FRMD4B: variants seen among roughly 807,000 people sequenced by gnomAD.
FRMD4B encodes the protein FERM domain containing 4B, also known as FERM domain-containing protein 4B.
FRMD4B carries 74 observed loss-of-function variants against 141.5 expected under a neutral mutation model. The observed-to-expected ratio is 0.52, with a 90% CI of 0.43 to 0.63. The LOEUF is 0.63. FRMD4B is among the 30% of genes least tolerant of loss of function. The probability of loss-of-function intolerance (pLI) is 0.00; values close to 1 mark genes in which losing one functional copy is unlikely to be tolerated. For synonymous variants in FRMD4B, 506 were observed against 467.9 expected, an observed-to-expected ratio of 1.08 and a Z score of -1.05; for missense variants, 1,366 against 1,253.4, an observed-to-expected ratio of 1.09 and a Z score of -1.36.
intron 7 of FRMD4B, among the ~76,000 whole-genome samples, chr3:69,247,858 T>C (rs1335806494): frequency 1.3e-5 from 2 of 152,164 alleles, no homozygotes; most frequent in Non-Finnish European, 2.9e-5. Flanking sequence ...ACCGTGTTAG[T>C]CAAGATGGTC....
chr3:69,499,862 G>C (rs950012968), intron 1 of FRMD4B, among the ~76,000 whole-genome samples: 2 of 152,212 alleles, frequency 1.3e-5, no homozygotes, highest in Non-Finnish European at 2.9e-5. Context: ...AAGACAGAGA[G>C]TCTAACAATA....
At chr3:69,279,239 T>C (rs2093632538) in intron 5 of FRMD4B, among the ~76,000 whole-genome samples, 1 of 152,168 alleles carries the variant, frequency 6.6e-6, no homozygotes, top group Non-Finnish European at 1.5e-5. Flanking sequence ...GATGTTTTAA[T>C]TGAATGAATG....
intron 4 of FRMD4B, among the ~76,000 whole-genome samples, chr3:69,297,968 C>T (rs1462900027): frequency 6.6e-6 from 1 of 152,206 alleles, no homozygotes; most frequent in Non-Finnish European, 1.5e-5. Flanking sequence ...GGGAACACTA[C>T]ATGCCTTTGC....
At chr3:69,379,009 G>A (rs1704045841) in intron 1 of FRMD4B, among the ~76,000 whole-genome samples, 1 of 152,054 alleles carries the variant, frequency 6.6e-6, no homozygotes, top group African/African-American at 2.4e-5. Context: ...AAAAGGCAAA[G>A]CCCTTTCATA....
intron 2 of FRMD4B, among the ~76,000 whole-genome samples, chr3:69,425,225 C>A (rs1234269689): frequency 6.6e-6 from 1 of 152,196 alleles, no homozygotes; most frequent in Non-Finnish European, 1.5e-5. Context: ...TTCATTTCAA[C>A]ACTGCATTGG....
chr3:69,482,994 T>C (rs1706155643), intron 1 of FRMD4B, among the ~76,000 whole-genome samples: 1 of 152,238 alleles, frequency 6.6e-6, no homozygotes, highest in South Asian at 2.1e-4. Flanking sequence ...ATTGGTGTGT[T>C]TCATTGCATT....
intron 7 of FRMD4B, among the ~76,000 whole-genome samples, chr3:69,226,949 G>C (rs1559734025): frequency 6.6e-6 from 1 of 152,094 alleles, no homozygotes; most frequent in Non-Finnish European, 1.5e-5. Context: ...ACGACACTGA[G>C]ATTTTTCCAG....
intron 5 of FRMD4B, among the ~76,000 whole-genome samples, chr3:69,284,278 T>C (rs1224509588): frequency 6.6e-6 from 1 of 152,148 alleles, no homozygotes; most frequent in Non-Finnish European, 1.5e-5. Context: ...GGGTCTCCTC[T>C]GAGGATTCGG....
intron 5 of FRMD4B, among the ~76,000 whole-genome samples, chr3:69,257,794 C>T (rs1011080036): frequency 6.6e-5 from 10 of 151,118 alleles, no homozygotes; most frequent in East Asian, 3.9e-4. Flanking sequence ...CCTGAGTAGC[C>T]GGGACTACAG....
chr3:69,475,800 G>A (rs1705985972), intron 1 of FRMD4B, among the ~76,000 whole-genome samples: 1 of 151,436 alleles, frequency 6.6e-6, no homozygotes, highest in Non-Finnish European at 1.5e-5. Flanking sequence ...CACAATGGTT[G>A]AACTAGTTTA....
intron 2 of FRMD4B, among the ~76,000 whole-genome samples, chr3:69,417,313 C>CT (rs918056507): frequency 6.6e-6 from 1 of 152,018 alleles, no homozygotes; most frequent in African/African-American, 2.4e-5. Context: ...TGACGATGAG[C>CT]TTTTTTTTCA....
chr3:69,536,688 G>T lies in FRMD4B; in HGVS notation c.-129+5518C>A. 3 of 720,336 alleles carry T rather than the reference G, an allele frequency of 4.2e-6. No individual in the cohort carries two copies. The South Asian group carries it at 4.5e-5, about 11-fold the overall frequency. 44.6% of individuals were successfully genotyped at this position (720,336 alleles called of 1,614,324 possible). ...GATGTCACTGGTGACACTCCCAGGA[G>T]GGGAGGCATCAGTAGTTTTATCCTT... On this transcript the variant is annotated intron_variant, in intron 1 of 5. Coordinates refer to the FRMD4B transcript ENST00000459638.
chr3:69,247,073 T>C (rs2093430279), intron 7 of FRMD4B, among the ~76,000 whole-genome samples: 1 of 152,158 alleles, frequency 6.6e-6, no homozygotes, highest in Non-Finnish European at 1.5e-5. Flanking sequence ...CAGAGGTAGA[T>C]AAGAGACCAG....
At chr3:69,242,478 A>ATTTTTTTTTTTTT (rs71115667) in intron 7 of FRMD4B, among the ~76,000 whole-genome samples, 1 of 54,554 alleles carries the variant, frequency 1.8e-5, no homozygotes, top group African/African-American at 7.4e-5. Flanking sequence ...AAATAGCTGC[A>ATTTTTTTTTTTTT]TTTTTTTTTT....
At chr3:69,515,940 AT>A (rs573747524) in intron 1 of FRMD4B, among the ~76,000 whole-genome samples, 348 of 152,308 alleles carry the variant, frequency 2.3e-3, no homozygotes, top group African/African-American at 8.1e-3. Flanking sequence ...CTCCCAAAAG[AT>A]AGCCATGTCT....
intron 1 of FRMD4B, among the ~76,000 whole-genome samples, chr3:69,514,390 A>G (rs1013312645): frequency 6.6e-6 from 1 of 152,058 alleles, no homozygotes; most frequent in Non-Finnish European, 1.5e-5. Flanking sequence ...ACATTGCTGA[A>G]AAAAAAATAA....
intron 1 of FRMD4B, among the ~76,000 whole-genome samples, chr3:69,497,436 G>A (rs1053597492): frequency 2.0e-5 from 3 of 152,070 alleles, no homozygotes; most frequent in African/African-American, 4.8e-5. Flanking sequence ...AATTTCGGAC[G>A]ACTGATTGCT....
chr3:69,222,010 A>C (rs975200628), intron 8 of FRMD4B, 87 bp from the exon 9 acceptor site: 1 of 755,784 alleles, frequency 1.3e-6, no homozygotes, highest in East Asian at 2.7e-5. Context: ...GGCTGTCAGG[A>C]AACTTGAGAG....
At chr3:69,207,287 A>G (rs1333707604) in intron 11 of FRMD4B, among the ~76,000 whole-genome samples, 8 of 146,748 alleles carry the variant, frequency 5.5e-5, no homozygotes, top group African/African-American at 1.8e-4. Flanking sequence ...CCTGGGCAAC[A>G]GAGTTAGAAC....
Sources: allele counts gnomAD v4.1 joint callset (sites outside exome capture counted in the v4.1 genomes callset), GRCh38; gene constraint gnomAD v4.1.1; transcripts MANE v1.5; gene names NCBI Gene and HGNC (gene_info 2026-07-23, HGNC 2026-07-21).